The following ARHGAP8 variants were observed in gnomAD, a reference collection of about 807,000 sequenced individuals.
The protein encoded by ARHGAP8 is Rho GTPase activating protein 8.
Under a neutral mutation model 46.1 loss-of-function variants are expected in ARHGAP8, and 62 were observed. That is an observed-to-expected ratio of 1.34 (90% confidence interval 1.10 to 1.66). The LOEUF (loss-of-function observed/expected upper bound fraction) is 1.66, where lower values mean the gene tolerates loss of function less well. Ranked by LOEUF, ARHGAP8 falls within the 40% of genes most tolerant of loss-of-function variation. The pLI, the probability that ARHGAP8 is intolerant of heterozygous loss-of-function variation, is 0.00. For missense variants in ARHGAP8, 923 were observed against 568.4 expected (o/e 1.62, Z -6.34); for synonymous variants, 375 against 243.1 (o/e 1.54, Z -5.05).
intron 2 of ARHGAP8, among the ~76,000 whole-genome samples, chr22:44,789,028 C>T (rs1228466419): frequency 6.6e-6 from 1 of 152,212 alleles, no homozygotes; most frequent in African/African-American, 2.4e-5. Context: ...CATATTCTGT[C>T]TGCTCTCAGT....
Position 44,862,333 on chromosome 22 carries a change from G to C in ARHGAP8, c.1040G>C (p.Gly347Ala), listed in dbSNP as rs1242921832. The C allele has an allele frequency of 1.2e-6, 2 of 1,613,932 alleles. No individual in the cohort carries two copies. Among genetic ancestry groups the C allele is most frequent in the South Asian group, 1.1e-5 (1 of 91,044 alleles). ...AGCTCTAACCTGGCCTGTGTCTTCG[G>C]GCTGAATTTGATCTGGCCATCCCAG... ...MNSSNLACVF[G>A]LNLIWPSQGV... The change falls in exon 12 of 12, where the codon GGG becomes GCG. Residue 347 changes from glycine to alanine, a missense_variant. Coordinates refer to ENST00000356099, the MANE Select transcript of ARHGAP8 (RefSeq NM_181335.3).
At chr22:44,860,890 A>T (rs761470037) in intron 11 of ARHGAP8, among the ~76,000 whole-genome samples, 1 of 152,176 alleles carries the variant, frequency 6.6e-6, no homozygotes, top group Non-Finnish European at 1.5e-5. Context: ...TGAGCAGAGT[A>T]GGCGTCACAT....
At chr22:44,806,872 G>A (rs1344964937) in intron 3 of ARHGAP8, among the ~76,000 whole-genome samples, 3 of 151,570 alleles carry the variant, frequency 2.0e-5, no homozygotes, top group African/African-American at 4.9e-5. Context: ...GCTGAGGCAC[G>A]AGAACGGCGT....
Position 44,848,007 on chromosome 22 carries a change from C to CA in ARHGAP8, c.706dup (p.Ser236LysfsTer21). The CA allele has an allele frequency of 6.2e-7, 1 of 1,608,360 alleles. No individual in the cohort carries two copies. Among genetic ancestry groups the CA allele is most frequent in the Non-Finnish European group, 8.5e-7 (1 of 1,179,956 alleles). On this transcript the variant is annotated frameshift_variant, in exon 9 of 12. Coordinates refer to ENST00000356099, the MANE Select transcript of ARHGAP8 (RefSeq NM_181335.3). LOFTEE classifies it high-confidence loss of function. ...CCGAGGGCCTGTTCCGGAGATCCGC[C>CA]AGCGTGCAGACCGTCCGCGAGATCC...
intron 5 of ARHGAP8, among the ~76,000 whole-genome samples, chr22:44,818,143 C>A (rs1189084516): frequency 6.6e-6 from 1 of 150,678 alleles, no homozygotes; most frequent in African/African-American, 2.5e-5. Flanking sequence ...CTCTAAGGTT[C>A]TTGGAAAAAA....
At chr22:44,753,288 C>G (rs1483088101) in intron 1 of ARHGAP8, among the ~76,000 whole-genome samples, 1 of 150,744 alleles carries the variant, frequency 6.6e-6, no homozygotes, top group African/African-American at 2.5e-5. Flanking sequence ...AGTGTTGCAT[C>G]TCTGCTCACT....
intron 3 of ARHGAP8, 141 bp from the exon 4 acceptor site, chr22:44,808,166 G>T: frequency 7.7e-7 from 1 of 1,305,938 alleles, no homozygotes; most frequent in East Asian, 2.5e-5. Context: ...ATGAGGACCG[G>T]GGCCCACGGT....
chr22:44,793,273 G>C (rs926590155), intron 2 of ARHGAP8, among the ~76,000 whole-genome samples: 24 of 152,214 alleles, frequency 1.6e-4, no homozygotes, highest in Admixed American at 1.0e-3. Context: ...AGCAGGGTGG[G>C]GGATGGAAGG....
At chr22:44,785,514 G>A (rs1927153101) in intron 1 of ARHGAP8, among the ~76,000 whole-genome samples, 1 of 152,114 alleles carries the variant, frequency 6.6e-6, no homozygotes, top group African/African-American at 2.4e-5. Flanking sequence ...TATCTCCTGA[G>A]TCATTGGATT....
At chr22:44,782,432 T>C (rs1926909830) in intron 1 of ARHGAP8, among the ~76,000 whole-genome samples, 1 of 152,222 alleles carries the variant, frequency 6.6e-6, no homozygotes, top group South Asian at 2.1e-4. Context: ...TACCCACCGC[T>C]GCTAGTTAGT....
chr22:44,792,829 GTTT>G (rs911417203), intron 2 of ARHGAP8, among the ~76,000 whole-genome samples: 3 of 45,544 alleles, frequency 6.6e-5, no homozygotes, highest in African/African-American at 2.9e-4. Flanking sequence ...TGTTTTTTTG[GTTT>G]TTTTTTTTTG....
Position 44,845,302 on chromosome 22 carries a change from C to A in ARHGAP8, c.630C>A (p.Pro210=). Residue 210 remains proline, a synonymous_variant, in exon 8 of 12, where the codon CCC becomes CCA. Transcript: ENST00000356099. ...LKDKNQGELI[P]PVLRFTVTYL... The stretch of plus-strand genomic sequence containing the variant: ...ACAAAAATCAAGGCGAACTCATCCC[C>A]CCTGTGCTGAGGTTCACAGTGACGT... 1 of 1,614,158 alleles carries A rather than the reference C, an allele frequency of 6.2e-7. No homozygotes were observed.
intron 1 of ARHGAP8, among the ~76,000 whole-genome samples, chr22:44,784,202 G>C (rs1295124568): frequency 6.6e-6 from 1 of 152,096 alleles, no homozygotes. Flanking sequence ...CCAGGGGTTC[G>C]AGACCAGTCT....
At chr22:44,781,025 C>T (rs1017933783) in intron 1 of ARHGAP8, among the ~76,000 whole-genome samples, 3 of 152,186 alleles carry the variant, frequency 2.0e-5, no homozygotes, top group Admixed American at 2.0e-4. Context: ...TCCACAGACT[C>T]CCGTGCACGT....
At chr22:44,835,286 G>T (rs555069521) in intron 7 of ARHGAP8, among the ~76,000 whole-genome samples, 7 of 151,576 alleles carry the variant, frequency 4.6e-5, no homozygotes, top group African/African-American at 1.7e-4. Context: ...TTAGGGATTA[G>T]AATTTATATC....
intron 5 of ARHGAP8, among the ~76,000 whole-genome samples, chr22:44,820,033 T>C (rs78365009): frequency 0.019 from 2,922 of 152,302 alleles, 81 homozygotes; most frequent in African/African-American, 0.062. Flanking sequence ...CCTCTCTGTT[T>C]CCCAAGTCCT....
At chr22:44,809,223 T>C (rs1375506156) in intron 4 of ARHGAP8, 1 of 464,398 alleles carries the variant, frequency 2.2e-6, no homozygotes, top group African/African-American at 2.0e-5. Context: ...TAAAACATTA[T>C]GGACGCTGAA....
intron 3 of ARHGAP8, among the ~76,000 whole-genome samples, chr22:44,807,879 C>G (rs748181154): frequency 6.6e-6 from 1 of 152,204 alleles, no homozygotes; most frequent in Non-Finnish European, 1.5e-5. Context: ...ACCTTCCGCC[C>G]TCTGACTTCT....
intron 4 of ARHGAP8, chr22:44,808,820 A>C (rs1602206753): frequency 1.4e-5 from 5 of 370,004 alleles, no homozygotes; most frequent in East Asian, 7.4e-5. Flanking sequence ...AAAAAAAAAA[A>C]AACCAAAAAC....
Sources: allele counts gnomAD v4.1 joint callset (sites outside exome capture counted in the v4.1 genomes callset), GRCh38; gene constraint gnomAD v4.1.1; transcripts MANE v1.5; gene names NCBI Gene and HGNC (gene_info 2026-07-23, HGNC 2026-07-21).